Variants in KCNC3 observed in about 807,000 individuals in gnomAD.
KCNC3 encodes the protein voltage-gated potassium channel KCNC3.
Under a neutral mutation model 43.9 loss-of-function variants are expected in KCNC3, and 22 were observed. The observed-to-expected ratio is 0.50, with a 90% CI of 0.36 to 0.72. KCNC3 has a LOEUF of 0.72. KCNC3 is among the 30% of genes least tolerant of loss of function. The probability of loss-of-function intolerance (pLI) is 0.00; values close to 1 mark genes in which losing one functional copy is unlikely to be tolerated. For synonymous variants in KCNC3, 492 were observed against 488.0 expected (o/e 1.01, Z -0.11); for missense variants, 829 against 1,073.8 (o/e 0.77, Z 3.19).
At position 50,328,759 on chromosome 19, in the gene KCNC3, G is replaced by C. The variant is rs1270222376; in HGVS notation, c.324C>G (p.Thr108=). 3 of 1,589,602 alleles carry C rather than the reference G, an allele frequency of 1.9e-6. No individual in the cohort carries two copies. The highest frequency in any genetic ancestry group is 1.7e-5 in the Admixed American group (1 of 57,492). The change falls in exon 1 of 5, where the codon ACC becomes ACG. Residue 108 remains threonine, a synonymous_variant. Transcript: ENST00000477616. ...RHETYRSTLR[T]LPGTRLAGLT... ...GGCCGGCCAGCCGCGTCCCCGGCAG[G>C]GTGCGCAGCGTCGAGCGGTACGTCT...
intron 2 of KCNC3, among the ~76,000 whole-genome samples, chr19:50,321,850 G>A (rs1568571090): frequency 6.6e-6 from 1 of 151,998 alleles, no homozygotes; most frequent in Admixed American, 6.6e-5. Context: ...AGTGTTGGGG[G>A]GTGGTTGGCT....
chr19:50,331,890 A>C, upstream of KCNC3, among the ~76,000 whole-genome samples: 1 of 149,702 alleles, frequency 6.7e-6, no homozygotes, highest in African/African-American at 2.5e-5. Context: ...ACCCCCCATC[A>C]CCCTCTCTAA....
chr19:50,325,324 G>A (rs902556576), intron 1 of KCNC3, among the ~76,000 whole-genome samples: 11 of 152,260 alleles, frequency 7.2e-5, no homozygotes, highest in Middle Eastern at 3.4e-3. Flanking sequence ...AGGAGGGAGG[G>A]CATGGGGAGT....
rs757605455 is a variant in KCNC3, at chr19:50,328,432, TGCGGCGTTG to T, written c.642_650del (p.Asn215_Ala217del). 150 of 1,541,618 alleles carry T rather than the reference TGCGGCGTTG, an allele frequency of 9.7e-5. No homozygotes were observed. Among genetic ancestry groups the T allele is most frequent in the East Asian group, 4.9e-4 (20 of 40,504 alleles). On this transcript the variant is annotated inframe_deletion, in exon 1 of 5. Transcript: ENST00000477616. ...CGTCCAGGCCTCCGTCGTGGGCGCC[TGCGGCGTTG>T]GCGGCGTTGGCGGCGCCCGCGGGGT... is the stretch of plus-strand genomic sequence containing the variant.
chr19:50,312,399 G>C lies in KCNC3; in HGVS notation c.*3716C>G, dbSNP rs1024474623. 1 of 152,048 alleles carries C rather than the reference G, an allele frequency of 6.6e-6. No individual in the cohort carries two copies. The highest frequency in any genetic ancestry group is 1.5e-5 in the Non-Finnish European group (1 of 68,050). The allele number at this position is 152,048 out of a possible 1,614,324, so 9.4% of individuals were successfully genotyped here. ...CCCCAATCGCCCCGCCCCCTGGCCC[G>C]TGTCCGTGCGTTCCCGGAGCGCAGG... On this transcript the variant is annotated 3_prime_UTR_variant, in exon 5 of 5. Transcript: ENST00000477616.
In KCNC3 at chr19:50,323,260, G is replaced by A. The variant is rs750349505; in HGVS notation, c.1693C>T (p.Arg565Trp). The A allele has an allele frequency of 9.4e-6, 15 of 1,603,126 alleles. No homozygotes were observed. Among genetic ancestry groups the A allele is most frequent in the East Asian group, 4.5e-5 (2 of 44,842 alleles). The part of the protein sequence containing the change: ...LPKKKNKHIP[R>W]PPQPGSPNYC... ...TTGGGCGAGCCCGGTTGCGGGGGCC[G>A]GGGGATGTGTTTGTTCTTCTTCTTG... The change falls in exon 2 of 5, where the codon CGG (arginine) becomes TGG (tryptophan). Residue 565 changes from arginine to tryptophan, a missense_variant. Arg to Trp is a moderately radical substitution (Grantham distance 101). Around this residue, in one of 7 missense-constraint regions of KCNC3, gnomAD observed 308 missense variants for 276.2 expected, o/e 1.11. Transcript: ENST00000477616.
upstream of KCNC3, among the ~76,000 whole-genome samples, chr19:50,333,136 G>A (rs999876229): frequency 7.9e-5 from 12 of 152,268 alleles, no homozygotes; most frequent in African/African-American, 2.4e-4. Context: ...CTAGGATTCG[G>A]GCTGTCTTAC....
At position 50,322,963 on chromosome 19, in the gene KCNC3, G is replaced by A. The variant is rs1200959340; in HGVS notation, c.1978+12C>T. ...TCCACCTGTGCCCCCGATCCCTGAC[G>A]CCCAGGCTCACCTGCCCGGTTGATC... On this transcript the variant is annotated intron_variant, in intron 2 of 4. Transcript: ENST00000477616. 26 of 1,550,112 alleles carry A rather than the reference G, an allele frequency of 1.7e-5. No homozygotes were observed. Among genetic ancestry groups the A allele is most frequent in the Middle Eastern group, 1.9e-4 (1 of 5,310 alleles).
In KCNC3 at chr19:50,314,521, G is replaced by T. The variant is rs2036920506; in HGVS notation, c.*1594C>A. The T allele has an allele frequency of 3.9e-6, 1 of 253,656 alleles. No homozygotes were observed. Among genetic ancestry groups the T allele is most frequent in the Non-Finnish European group, 7.8e-6 (1 of 128,262 alleles). The allele number at this position is 253,656 out of a possible 1,614,324, so 15.7% of individuals were successfully genotyped here. On this transcript the variant is annotated 3_prime_UTR_variant, in exon 5 of 5. Transcript: ENST00000477616. ...GGTTAGGGAAGGCATGCAGTGTGTG[G>T]GGGGAGGTGCCCCAAGATGTAACTG...
chr19:50,329,414 G>C (rs1479123270), upstream of KCNC3: 1 of 164,232 alleles, frequency 6.1e-6, no homozygotes, highest in Non-Finnish European at 1.3e-5. Flanking sequence ...GGTAGCCAGG[G>C]GAAGGCGGGG....
At position 50,320,661 on chromosome 19, in the gene KCNC3, T is replaced by G. The variant is rs867489529; in HGVS notation, c.2102A>C (p.Tyr701Ser). ...SPITPGSRGR[Y>S]SRDRACFLLT... ...GAGGAAGCAGGCTCGGTCCCGGCTA[T>G]AGCGGCCACGGCTTCCAGGCGTGAT... Residue 701 changes from tyrosine to serine, a missense_variant, in exon 3 of 5, where the codon TAT becomes TCT. By Grantham distance (144) the Tyr-to-Ser change is moderately radical. Coordinates refer to ENST00000477616, the MANE Select transcript of KCNC3 (RefSeq NM_004977.3). 21 of 1,613,368 alleles carry G rather than the reference T, an allele frequency of 1.3e-5. No homozygotes were observed. The African/African-American group carries it at 2.4e-4, about 18-fold the overall frequency.
upstream of KCNC3, among the ~76,000 whole-genome samples, chr19:50,330,490 CG>C (rs910028429): frequency 8.6e-5 from 13 of 151,804 alleles, no homozygotes; most frequent in African/African-American, 3.1e-4. Context: ...GGACCTGGAA[CG>C]GGGAGTCTTC....
intron 4 of KCNC3, among the ~76,000 whole-genome samples, chr19:50,319,915 T>A (rs560018430): frequency 4.0e-4 from 60 of 151,036 alleles, no homozygotes; most frequent in African/African-American, 1.1e-3. Flanking sequence ...ATTGAATTTT[T>A]AAAAAAAACC....
chr19:50,325,890 CTAAT>C (rs1048079777), intron 1 of KCNC3, among the ~76,000 whole-genome samples: 4 of 152,346 alleles, frequency 2.6e-5, no homozygotes, highest in South Asian at 2.1e-4. Flanking sequence ...GGCCAAGAGT[CTAAT>C]TAACTCCTTC....
chr19:50,326,198 C>T (rs992182574), intron 1 of KCNC3, among the ~76,000 whole-genome samples: 3 of 152,190 alleles, frequency 2.0e-5, no homozygotes, highest in Admixed American at 2.0e-4. Context: ...AACACATTGG[C>T]GGAGTAAATG....
chr19:50,314,925 G>C lies in KCNC3; in HGVS notation c.*1190C>G. On this transcript the variant is annotated 3_prime_UTR_variant, in exon 5 of 5. Coordinates refer to ENST00000477616, the MANE Select transcript of KCNC3 (RefSeq NM_004977.3). ...GGAGAGCCAGGGGGGGTGGCAAGGG[G>C]CGCGAGGCGCAGGGACACCCCGCTC... 3.2e-6 allele frequency: 1 copy of C among 310,220 alleles called. No individual in the cohort carries two copies. The highest frequency in any genetic ancestry group is 2.3e-5 in the South Asian group (1 of 43,034). 19.2% of individuals were successfully genotyped at this position (310,220 alleles called of 1,614,324 possible). A position where few individuals can be genotyped will look rare whatever the true frequency, so the allele number is the denominator to read the frequency against.
rs906469158 is a variant in KCNC3, at chr19:50,314,119, G to A, written c.*1996C>T. 2 of 152,274 alleles carry A rather than the reference G, an allele frequency of 1.3e-5. No homozygotes were observed. The highest frequency in any genetic ancestry group is 4.8e-5 in the African/African-American group (2 of 41,388). 9.4% of individuals were successfully genotyped at this position (152,274 alleles called of 1,614,324 possible). A position where few individuals can be genotyped will look rare whatever the true frequency, so the allele number is the denominator to read the frequency against. Reference sequence around the variant, plus strand: ...AGAGGCGAGCAGGTCCCTGGGGGAAGGGGCGGATGAGAGGGTGAAATTCAC... The same window carrying A: ...AGAGGCGAGCAGGTCCCTGGGGGAAAGGGCGGATGAGAGGGTGAAATTCAC... On this transcript the variant is annotated 3_prime_UTR_variant, in exon 5 of 5. Transcript: ENST00000477616.
chr19:50,325,820 C>A (rs1036185362), intron 1 of KCNC3, among the ~76,000 whole-genome samples: 1 of 151,628 alleles, frequency 6.6e-6, no homozygotes, highest in Non-Finnish European at 1.5e-5. Context: ...TAACCCCTTC[C>A]GGGCCGGAGC....
rs185935502 is a variant in KCNC3 at position 50,328,515 on chromosome 19, G to A, written c.568C>T (p.Arg190Trp). 4 of 1,610,532 alleles carry A rather than the reference G, an allele frequency of 2.5e-6. No individual in the cohort carries two copies. The highest frequency in any genetic ancestry group is 1.7e-5 in the Admixed American group (1 of 59,976). The change falls in exon 1 of 5, where the codon CGG (arginine) becomes TGG (tryptophan). Residue 190 changes from arginine (R) to tryptophan (W), a missense_variant. By Grantham distance (101) the Arg-to-Trp change is moderately radical (BLOSUM62 -3). This residue lies in a region of KCNC3 where 121 missense variants were observed against 247.4 expected (regional missense o/e 0.49). Coordinates refer to ENST00000477616, the MANE Select transcript of KCNC3 (RefSeq NM_004977.3). ...DVEACCWMTY[R>W]QHRDAEEALD... ...GCCTCCTCAGCGTCGCGATGCTGCCGGTAGGTCATCCAGCAGCAGGCCTCC... is the reference window on the plus strand; with the variant it reads ...GCCTCCTCAGCGTCGCGATGCTGCCAGTAGGTCATCCAGCAGCAGGCCTCC...
Sources: allele counts gnomAD v4.1 joint callset (sites outside exome capture counted in the v4.1 genomes callset), GRCh38; gene constraint gnomAD v4.1.1; regional missense constraint gnomAD v4.1.1; transcripts MANE v1.5; gene names NCBI Gene and HGNC (gene_info 2026-07-23, HGNC 2026-07-21).